The following THSD4 variants were observed in gnomAD, a reference collection of about 807,000 sequenced individuals.
THSD4 encodes thrombospondin type 1 domain containing 4, also known as thrombospondin type-1 domain-containing protein 4.
THSD4 carries 69 observed loss-of-function variants against 119.0 expected under a neutral mutation model. The ratio of observed to expected loss-of-function variants is 0.58; its 90% CI spans 0.48 to 0.71. The LOEUF (loss-of-function observed/expected upper bound fraction) is 0.71. THSD4 is among the 30% of genes least tolerant of loss of function. The probability of loss-of-function intolerance (pLI) is 0.00; values close to 1 mark genes in which losing one functional copy is unlikely to be tolerated. For synonymous variants in THSD4, 524 were observed against 540.4 expected, an observed-to-expected ratio of 0.97 and a Z score of 0.42; for missense variants, 1,393 against 1,391.1, an observed-to-expected ratio of 1.00 and a Z score of -0.02.
intron 6 of THSD4, among the ~76,000 whole-genome samples, chr15:71,390,890 T>C (rs1596393614): frequency 6.9e-6 from 1 of 144,044 alleles, no homozygotes; most frequent in African/African-American, 2.6e-5. Flanking sequence ...GAGAGGGCCT[T>C]GTTCAGTCAC....
chr15:71,699,823 G>C (rs958014561), intron 8 of THSD4, among the ~76,000 whole-genome samples: 3 of 152,206 alleles, frequency 2.0e-5, no homozygotes, highest in Admixed American at 6.5e-5. Context: ...GAGTAAAAAG[G>C]TCGGTTCATT....
At chr15:71,320,797 C>CTTTTT (rs1347655423) in intron 6 of THSD4, among the ~76,000 whole-genome samples, 24 of 152,190 alleles carry the variant, frequency 1.6e-4, no homozygotes, top group African/African-American at 5.5e-4. Flanking sequence ...TCTTTCAACT[C>CTTTTT]CAGACATCTT....
At chr15:71,143,262 C>A (rs533839526) in intron 2 of THSD4, among the ~76,000 whole-genome samples, 1 of 152,014 alleles carries the variant, frequency 6.6e-6, no homozygotes, top group Non-Finnish European at 1.5e-5. Context: ...TACAAATTAG[C>A]ATGTGTGCTT....
intron 7 of THSD4, among the ~76,000 whole-genome samples, chr15:71,432,515 C>G (rs933562800): frequency 2.7e-5 from 3 of 112,058 alleles, no homozygotes; most frequent in Non-Finnish European, 5.5e-5. Context: ...CTGTTCCTTT[C>G]CCTCCCTTCT....
At chr15:71,135,242 A>G (rs1410858385) in intron 1 of THSD4, among the ~76,000 whole-genome samples, 2 of 145,904 alleles carry the variant, frequency 1.4e-5, no homozygotes, top group Non-Finnish European at 3.0e-5. Flanking sequence ...GGGGAGGGGT[A>G]GCATTGGGAG....
At chr15:71,515,381 A>C (rs1370731336) in intron 7 of THSD4, among the ~76,000 whole-genome samples, 5 of 152,138 alleles carry the variant, frequency 3.3e-5, no homozygotes, top group Admixed American at 3.3e-4. Flanking sequence ...TTGATGTTTG[A>C]GTGTAGTAGA....
chr15:71,473,932 C>G (rs770205517), intron 7 of THSD4, among the ~76,000 whole-genome samples: 6 of 152,176 alleles, frequency 3.9e-5, no homozygotes, highest in Non-Finnish European at 8.8e-5. Flanking sequence ...AGGGCAGGGC[C>G]TATATGGTGG....
chr15:71,387,790 T>A (rs2046314528), intron 6 of THSD4, among the ~76,000 whole-genome samples: 1 of 152,228 alleles, frequency 6.6e-6, no homozygotes, highest in South Asian at 2.1e-4. Context: ...CTCAGAATCC[T>A]GGTCAGCACA....
At chr15:71,701,136 C>A (rs1348810443) in intron 8 of THSD4, among the ~76,000 whole-genome samples, 1 of 152,020 alleles carries the variant, frequency 6.6e-6, no homozygotes, top group Non-Finnish European at 1.5e-5. Flanking sequence ...TAGCTAATAT[C>A]CTTAATATTT....
chr15:71,606,722 T>C (rs1251394820), intron 7 of THSD4, among the ~76,000 whole-genome samples: 2 of 152,122 alleles, frequency 1.3e-5, no homozygotes, highest in East Asian at 3.9e-4. Flanking sequence ...GTATTTTTAG[T>C]GGAGATGGGT....
At chr15:71,698,025 A>G (rs748091971) in intron 8 of THSD4, among the ~76,000 whole-genome samples, 31 of 152,172 alleles carry the variant, frequency 2.0e-4, no homozygotes, top group Non-Finnish European at 3.7e-4. Context: ...GAAGGGGCCA[A>G]GGGCCTCCCC....
chr15:71,468,183 A>G (rs1033286088), intron 7 of THSD4, among the ~76,000 whole-genome samples: 6 of 152,116 alleles, frequency 3.9e-5, no homozygotes, highest in African/African-American at 7.2e-5. Context: ...GCTCCCATGC[A>G]CACGCTCTCT....
intron 1 of THSD4, chr15:71,110,351 C>A (rs977789328): frequency 6.6e-6 from 1 of 152,080 alleles, no homozygotes; most frequent in East Asian, 1.9e-4. Context: ...AAGAAATGTT[C>A]TTTTTCTCCC....
chr15:71,571,578 C>T lies in THSD4; in HGVS notation c.1153-88952C>T, dbSNP rs80324651. ...ATCCCCAGATGTCTGGTATGCTTTT[C>T]GAAAAATGCCTGTATTTAGCCCCTA... On this transcript the variant is annotated intron_variant, in intron 7 of 17. Transcript: ENST00000261862. Among the ~76,000 whole-genome samples the T allele has an allele frequency of 6.1e-3, 933 of 152,268 alleles. 12 individuals carry two copies. The highest frequency in any genetic ancestry group is 0.022 in the African/African-American group (897 of 41,560).
At chr15:71,581,739 A>T (rs2049563030) in intron 7 of THSD4, among the ~76,000 whole-genome samples, 1 of 152,188 alleles carries the variant, frequency 6.6e-6, no homozygotes, top group Admixed American at 6.5e-5. Context: ...GCATGTGGAC[A>T]TCCAGTTTTC....
intron 7 of THSD4, among the ~76,000 whole-genome samples, chr15:71,577,880 G>T (rs1297556617): frequency 6.6e-6 from 1 of 150,910 alleles, no homozygotes; most frequent in Non-Finnish European, 1.5e-5. Flanking sequence ...ACCATGCCTG[G>T]CTAATTTTTC....
chr15:71,687,768 A>AC (rs1332985861), intron 8 of THSD4, among the ~76,000 whole-genome samples: 2 of 39,850 alleles, frequency 5.0e-5, no homozygotes, highest in Non-Finnish European at 7.0e-5. Flanking sequence ...AAAAAAAAAA[A>AC]AAAACAAACC....
intron 5 of THSD4, among the ~76,000 whole-genome samples, chr15:71,252,792 A>T (rs2044274197): frequency 6.6e-6 from 1 of 152,224 alleles, no homozygotes; most frequent in Non-Finnish European, 1.5e-5. Flanking sequence ...TATTGTGAGG[A>T]TTAAATGAGC....
At chr15:71,484,818 C>T (rs1440673779) in intron 7 of THSD4, among the ~76,000 whole-genome samples, 2 of 152,098 alleles carry the variant, frequency 1.3e-5, no homozygotes, top group African/African-American at 4.8e-5. Context: ...GCCAAAGTTT[C>T]CCCTCCAAAT....
Sources: allele counts gnomAD v4.1 joint callset (sites outside exome capture counted in the v4.1 genomes callset), GRCh38; gene constraint gnomAD v4.1.1; transcripts MANE v1.5; gene names NCBI Gene and HGNC (gene_info 2026-07-23, HGNC 2026-07-21).